Variants in ANKRD28 observed in about 807,000 individuals in gnomAD.
ANKRD28 encodes the protein serine/threonine-protein phosphatase 6 regulatory ankyrin repeat subunit A.
ANKRD28 carries 44 observed loss-of-function variants against 126.5 expected under a neutral mutation model. The ratio of observed to expected loss-of-function variants is 0.35; its 90% CI spans 0.27 to 0.45. The LOEUF (loss-of-function observed/expected upper bound fraction) is 0.45. Among genes scored for constraint, ANKRD28 ranks in the 20% least tolerant of loss-of-function variants. The pLI is 1.00. For synonymous variants in ANKRD28, 442 were observed against 468.5 expected, an observed-to-expected ratio of 0.94 and a Z score of 0.73; for missense variants, 1,110 against 1,316.6, an observed-to-expected ratio of 0.84 and a Z score of 2.43.
intron 1 of ANKRD28, among the ~76,000 whole-genome samples, chr3:15,803,287 C>T (rs967421531): frequency 6.6e-6 from 1 of 152,068 alleles, no homozygotes; most frequent in African/African-American, 2.4e-5. Context: ...AGTGGGTGAT[C>T]TGAATTAGGA....
chr3:15,821,358 C>T (rs2060937985), intron 1 of ANKRD28, among the ~76,000 whole-genome samples: 1 of 152,140 alleles, frequency 6.6e-6, no homozygotes, highest in South Asian at 2.1e-4. Flanking sequence ...CAGGAATATT[C>T]AAGTATCTGA....
intron 7 of ANKRD28, 23 bp from the exon 8 acceptor site, chr3:15,721,150 G>A (rs762969605): frequency 1.0e-5 from 16 of 1,583,182 alleles, no homozygotes; most frequent in South Asian, 5.7e-5. Flanking sequence ...AAAAAAATGC[G>A]AATGTTAAAG....
chr3:15,856,069 C>T (rs927545457), intron 1 of ANKRD28, among the ~76,000 whole-genome samples: 6 of 152,146 alleles, frequency 3.9e-5, no homozygotes, highest in African/African-American at 1.4e-4. Context: ...AAACTGGTTC[C>T]TTACTAGTCC....
chr3:15,859,364 G>GC, intron 1 of ANKRD28: 1 of 1,528,022 alleles, frequency 6.5e-7, no homozygotes, highest in Non-Finnish European at 8.8e-7. Flanking sequence ...CCGCCCTGCA[G>GC]CCCCTCACCT....
chr3:15,744,554 T>C (rs925267965), intron 4 of ANKRD28, among the ~76,000 whole-genome samples: 4 of 150,886 alleles, frequency 2.7e-5, no homozygotes, highest in African/African-American at 9.8e-5. Context: ...TGACCTCAGG[T>C]GATCTGCCCA....
intron 6 of ANKRD28, among the ~76,000 whole-genome samples, chr3:15,727,392 C>A (rs1246268854): frequency 6.6e-6 from 1 of 151,554 alleles, no homozygotes; most frequent in African/African-American, 2.4e-5. Context: ...CATGGTGAAA[C>A]CCTGTCTCTA....
In ANKRD28 at chr3:15,838,148, C is replaced by G. The variant is rs1485720588; in HGVS notation, c.27+21229G>C. ...ATTAAAATCTTCCCACAAAGAAAAGCCTTGGCCCACATAGTTTCTTTCACT... is the reference window on the plus strand; with the variant it reads ...ATTAAAATCTTCCCACAAAGAAAAGGCTTGGCCCACATAGTTTCTTTCACT... On this transcript the variant is annotated intron_variant, in intron 1 of 27. Coordinates refer to the ANKRD28 transcript ENST00000399451. The surrounding 1 kb of genome is among the most constrained non-coding windows in gnomAD (Gnocchi z 4.0). 1.3e-5 allele frequency among the ~76,000 whole-genome samples: 2 copies of G among 152,026 alleles called. No homozygotes were observed. Among genetic ancestry groups the G allele is most frequent in the African/African-American group, 4.8e-5 (2 of 41,390 alleles).
chr3:15,703,963 G>A (rs911941872), intron 14 of ANKRD28, among the ~76,000 whole-genome samples: 8 of 152,080 alleles, frequency 5.3e-5, no homozygotes, highest in African/African-American at 1.4e-4. Flanking sequence ...GTTATCTCAG[G>A]AGAGCTGGTA....
At position 15,814,227 on chromosome 3, in the gene ANKRD28, G is replaced by A; in HGVS notation, c.28-18921C>T. On this transcript the variant is annotated intron_variant, in intron 1 of 27. Transcript: ENST00000399451. This position sits in a 1 kb window ranked among gnomAD's most constrained non-coding sequence, Gnocchi z 4.7. ...CCTATATTACTGCAAGAGACTACTA[G>A]AAAATAACCTACCATAATAGGAATT... 1 of 1,224,400 alleles carries A rather than the reference G, an allele frequency of 8.2e-7. No homozygotes were observed. Among genetic ancestry groups the A allele is most frequent in the Non-Finnish European group, 1.0e-6 (1 of 962,030 alleles). The allele number at this position is 1,224,400 out of a possible 1,614,324, so 75.8% of individuals were successfully genotyped here.
chr3:15,768,345 A>G (rs2125575519), intron 2 of ANKRD28, among the ~76,000 whole-genome samples: 1 of 152,346 alleles, frequency 6.6e-6, no homozygotes, highest in Admixed American at 6.5e-5. Context: ...ATCTACAGGC[A>G]ATCCAAAAAA....
chr3:15,857,052 T>C (rs2061788281), intron 1 of ANKRD28, among the ~76,000 whole-genome samples: 1 of 152,248 alleles, frequency 6.6e-6, no homozygotes, highest in South Asian at 2.1e-4. Context: ...GCTTTTCCTG[T>C]AGACGGGAAA....
chr3:15,747,749 T>A (rs1297335455), intron 4 of ANKRD28, among the ~76,000 whole-genome samples: 1 of 152,180 alleles, frequency 6.6e-6, no homozygotes, highest in East Asian at 1.9e-4. Context: ...TGTTTCTTTG[T>A]TGACTTTCTG....
At position 15,795,311 on chromosome 3, in the gene ANKRD28, A is replaced by G. The variant is rs781012660; in HGVS notation, c.118-5T>C. ...TATAGCTTGCACCAGTGATGGCTAA[A>G]ATAGAAGAGAGTAATAAAAACATTA... On this transcript the variant is annotated splice_region_variant and splice_polypyrimidine_tract_variant and intron_variant, in intron 1 of 27. Transcript: ENST00000683139. The G allele has an allele frequency of 2.5e-6, 4 of 1,591,672 alleles. No homozygotes were observed. The South Asian group carries it at 3.3e-5, about 13-fold the overall frequency.
chr3:15,783,649 A>G (rs1289956118), intron 2 of ANKRD28, among the ~76,000 whole-genome samples: 1 of 152,082 alleles, frequency 6.6e-6, no homozygotes, highest in Non-Finnish European at 1.5e-5. Context: ...CAAATTCTGT[A>G]TATCATTACA....
intron 3 of ANKRD28, among the ~76,000 whole-genome samples, chr3:15,757,348 C>G (rs911086893): frequency 2.0e-5 from 3 of 152,128 alleles, no homozygotes; most frequent in African/African-American, 7.2e-5. Flanking sequence ...CAAGGGTCAA[C>G]TATACCTGTA....
chr3:15,752,886 G>A (rs907670772), intron 3 of ANKRD28, among the ~76,000 whole-genome samples: 1 of 152,200 alleles, frequency 6.6e-6, no homozygotes, highest in Non-Finnish European at 1.5e-5. Flanking sequence ...CTAAGTAGTT[G>A]TGTGATCCCT....
intron 14 of ANKRD28, among the ~76,000 whole-genome samples, chr3:15,702,663 G>A (rs2070782745): frequency 6.6e-6 from 1 of 152,010 alleles, no homozygotes; most frequent in South Asian, 2.1e-4. Context: ...GAGTTCTGAG[G>A]CAAGTTCAGA....
At chr3:15,840,347 C>A (rs1026738540) in intron 1 of ANKRD28, among the ~76,000 whole-genome samples, 2 of 152,024 alleles carry the variant, frequency 1.3e-5, no homozygotes, top group African/African-American at 4.8e-5. Context: ...AAGACCTCTA[C>A]AATGAAAATT....
intron 4 of ANKRD28, among the ~76,000 whole-genome samples, chr3:15,750,427 C>T (rs545526927): frequency 8.5e-4 from 130 of 152,272 alleles, no homozygotes; most frequent in African/African-American, 2.9e-3. Context: ...TGTCCAACAT[C>T]GCACAGCTGA....
Sources: allele counts gnomAD v4.1 joint callset (sites outside exome capture counted in the v4.1 genomes callset), GRCh38; gene constraint gnomAD v4.1.1; non-coding constraint Gnocchi (gnomAD v3.1); transcripts MANE v1.5; gene names NCBI Gene and HGNC (gene_info 2026-07-23, HGNC 2026-07-21).